The following GALNT5 variants were observed in gnomAD, a reference collection of about 807,000 sequenced individuals.
The protein encoded by GALNT5 is UDP-GalNAc:polypeptide N-acetylgalactosaminyltransferase 5.
In GALNT5, 72 loss-of-function variants were observed where a neutral mutation model predicts 85.4. The ratio of observed to expected loss-of-function variants is 0.84; its 90% CI spans 0.70 to 1.03. The LOEUF (loss-of-function observed/expected upper bound fraction) is 1.03. GALNT5 is among the 50% of genes least tolerant of loss of function. The pLI is 0.00. For synonymous variants in GALNT5, 404 were observed against 397.0 expected (o/e 1.02, Z -0.21); for missense variants, 1,137 against 1,135.5 (o/e 1.00, Z -0.02).
At chr2:157,269,173 A>C (rs1398141675) in intron 1 of GALNT5, among the ~76,000 whole-genome samples, 5 of 152,220 alleles carry the variant, frequency 3.3e-5, no homozygotes, top group Non-Finnish European at 7.3e-5. Context: ...AGACTAGAGT[A>C]AGAGTTTAAA....
Position 157,299,598 on chromosome 2 carries a change from T to C in GALNT5, c.2048T>C (p.Phe683Ser), listed in dbSNP as rs143720767. Residue 683 changes from phenylalanine (F) to serine (S), a missense_variant, in exon 6 of 10, where the codon TTT becomes TCT. Transcript: ENST00000259056. ...GLFSIDKSYF[F>S]ELGTYDPGLD... ...TTTTCTATTGACAAAAGTTACTTTTTTGAACTTGGAACATACGACCCTGGC... is the reference window on the plus strand; with the variant it reads ...TTTTCTATTGACAAAAGTTACTTTTCTGAACTTGGAACATACGACCCTGGC... 5 of 1,613,568 alleles carry C rather than the reference T, an allele frequency of 3.1e-6. No individual in the cohort carries two copies. The African/African-American group carries it at 6.7e-5, about 22-fold the overall frequency.
chr2:157,265,611 A>G (rs1682440664), intron 1 of GALNT5, among the ~76,000 whole-genome samples: 1 of 152,230 alleles, frequency 6.6e-6, no homozygotes, highest in Admixed American at 6.5e-5. Context: ...CAGTTTAACC[A>G]TCAGCATAAT....
rs1440216290 is a variant in GALNT5 at position 157,258,994 on chromosome 2, T to G, written c.912T>G (p.Asp304Glu). 6.7e-7 allele frequency: 1 copy of G among 1,500,644 alleles called. No individual in the cohort carries two copies. The highest frequency in any genetic ancestry group is 1.4e-5 in the African/African-American group (1 of 71,502). The allele number at this position is 1,500,644 out of a possible 1,614,324, so 93.0% of individuals were successfully genotyped here. A position where few individuals can be genotyped will look rare whatever the true frequency, so the allele number is the denominator to read the frequency against. ...CACCTTTGGGAAGTTTGTCAAAGGA[T>G]GATGGAGCTAGAGGGGCTCATGGGA... ...NETPLGSLSKDDGARGAHGKK... is the reference protein window; with the variant it reads ...NETPLGSLSKEDGARGAHGKK... The change falls in exon 1 of 10, where the codon GAT becomes GAG. Residue 304 changes from aspartate to glutamate, a missense_variant. Physicochemically the swap from Asp to Glu is conservative, Grantham distance 45. Coordinates refer to ENST00000259056, the MANE Select transcript of GALNT5 (RefSeq NM_014568.3).
Position 157,288,579 on chromosome 2 carries a change from G to T in GALNT5, c.1741+2445G>T, listed in dbSNP as rs141089468. 1.8e-3 allele frequency among the ~76,000 whole-genome samples: 280 copies of T among 152,136 alleles called. 4 individuals are homozygous for T. The highest frequency in any genetic ancestry group is 6.8e-3 in the Middle Eastern group (2 of 294). On this transcript the variant is annotated intron_variant, in intron 3 of 9. Coordinates refer to ENST00000259056, the MANE Select transcript of GALNT5 (RefSeq NM_014568.3). ...TTGACTCATGGGTGCTGACCATGGG[G>T]AGAGTCATAAAAGATTCATTTGGGG...
intron 1 of GALNT5, among the ~76,000 whole-genome samples, chr2:157,262,156 C>G (rs552123645): frequency 7.2e-6 from 1 of 137,976 alleles, no homozygotes; most frequent in African/African-American, 2.9e-5. Flanking sequence ...TGAATTCACA[C>G]ATAACTGTCA....
intron 3 of GALNT5, 32 bp downstream of exon 3, chr2:157,286,166 A>AT (rs762573079): frequency 2.5e-6 from 4 of 1,580,160 alleles, no homozygotes; most frequent in Non-Finnish European, 3.5e-6. Flanking sequence ...TGTTTGTTAC[A>AT]TTTTTATTTT....
chr2:157,269,256 C>A (rs548822190), intron 1 of GALNT5, among the ~76,000 whole-genome samples: 4 of 152,224 alleles, frequency 2.6e-5, no homozygotes, highest in African/African-American at 9.6e-5. Context: ...GCTAGATACC[C>A]GGAAACATGT....
rs2105139665 is a variant in GALNT5 at position 157,259,246 on chromosome 2, G to T, written c.1164G>T (p.Gly388=). ...AAACTAACCATGCTTTAACTGGAGG[G>T]CTAGAGCCAGCAAAAATCAACATAA... ...LSQTNHALTG[G]LEPAKINITA... Residue 388 remains glycine (G), a synonymous_variant, in exon 1 of 10, where the codon GGG becomes GGT. Transcript: ENST00000259056. 1 of 1,610,294 alleles carries T rather than the reference G, an allele frequency of 6.2e-7. No homozygotes were observed. The highest frequency in any genetic ancestry group is 2.2e-5 in the East Asian group (1 of 44,846).
chr2:157,258,813 C>G lies in GALNT5; in HGVS notation c.731C>G (p.Thr244Arg), dbSNP rs1312016649. ...VANERAHPAS[T>R]AVPKSGEAMA... is the part of the protein sequence containing the mutation. ...AACGAGAGGGCACACCCTGCCAGCACAGCAGTGCCGAAGTCTGGGGAAGCC... is the reference window on the plus strand; with the variant it reads ...AACGAGAGGGCACACCCTGCCAGCAGAGCAGTGCCGAAGTCTGGGGAAGCC... The change falls in exon 1 of 10, where the codon ACA (threonine) becomes AGA (arginine). Residue 244 changes from threonine (T) to arginine (R), a missense_variant. By Grantham distance (71) the Thr-to-Arg change is moderately conservative. Coordinates refer to ENST00000259056, the MANE Select transcript of GALNT5 (RefSeq NM_014568.3). The G allele has an allele frequency of 6.3e-7, 1 of 1,598,260 alleles. No homozygotes were observed. The highest frequency in any genetic ancestry group is 8.5e-7 in the Non-Finnish European group (1 of 1,169,726).
Position 157,300,914 on chromosome 2 carries a change from A to G in GALNT5, c.2354A>G (p.Lys785Arg). 1.9e-6 allele frequency: 3 copies of G among 1,614,164 alleles called. No homozygotes were observed. The highest frequency in any genetic ancestry group is 2.5e-6 in the Non-Finnish European group (3 of 1,179,976). The change falls in exon 7 of 10, where the codon AAG (lysine) becomes AGG (arginine). Residue 785 changes from lysine to arginine, a missense_variant. Lys to Arg is a conservative substitution (Grantham distance 26). Transcript: ENST00000259056. ...GNLTQQRELR[K>R]KLKCKSFKWY... ...CTCACCCAGCAAAGGGAGCTGCGAAAGAAACTGAAGTGCAAAAGTTTCAAA... is the reference window on the plus strand; with the variant it reads ...CTCACCCAGCAAAGGGAGCTGCGAAGGAAACTGAAGTGCAAAAGTTTCAAA...
chr2:157,293,749 T>G (rs1683151292), intron 3 of GALNT5, among the ~76,000 whole-genome samples: 1 of 151,894 alleles, frequency 6.6e-6, no homozygotes, highest in African/African-American at 2.4e-5. Flanking sequence ...TGCTAAATTC[T>G]ATTAATTGAG....
intron 8 of GALNT5, among the ~76,000 whole-genome samples, chr2:157,306,991 G>A (rs1425126862): frequency 7.2e-6 from 1 of 138,208 alleles, no homozygotes; most frequent in Non-Finnish European, 1.6e-5. Context: ...TTATATGAAA[G>A]GAAAGTATTA....
intron 3 of GALNT5, among the ~76,000 whole-genome samples, chr2:157,288,792 G>C (rs1012756179): frequency 6.6e-6 from 1 of 152,204 alleles, no homozygotes; most frequent in Non-Finnish European, 1.5e-5. Context: ...AGGAAGTAGG[G>C]AGGCCAGTTA....
At chr2:157,296,145 A>ATT (rs3217561) in intron 4 of GALNT5, among the ~76,000 whole-genome samples, 2 of 151,778 alleles carry the variant, frequency 1.3e-5, no homozygotes, top group South Asian at 2.1e-4. Context: ...TTGCTCTTGT[A>ATT]TTTTTTTTCT....
At chr2:157,285,760 GC>G (rs1386291194) in intron 2 of GALNT5, among the ~76,000 whole-genome samples, 3 of 152,126 alleles carry the variant, frequency 2.0e-5, no homozygotes, top group Non-Finnish European at 4.4e-5. Flanking sequence ...AGAAAGGTGT[GC>G]CCTCCACTAC....
chr2:157,280,544 C>T (rs566249287), intron 1 of GALNT5, among the ~76,000 whole-genome samples: 1 of 152,286 alleles, frequency 6.6e-6, no homozygotes, highest in East Asian at 1.9e-4. Context: ...GAATATGTTA[C>T]CAAGTTTGTG....
chr2:157,284,503 G>T, intron 2 of GALNT5, 55 bp downstream of exon 2: 2 of 1,407,822 alleles, frequency 1.4e-6, no homozygotes, highest in South Asian at 1.2e-5. Flanking sequence ...CAGAAGCAAA[G>T]TTTAGTAGCA....
Position 157,314,732 on chromosome 2 carries a change from A to T in GALNT5, c.*3384A>T, listed in dbSNP as rs184753131. Among the ~76,000 whole-genome samples the T allele has an allele frequency of 6.6e-6, 1 of 152,130 alleles. No homozygotes were observed. Among genetic ancestry groups the T allele is most frequent in the African/African-American group, 2.4e-5 (1 of 41,418 alleles). ...AGATTGAAACATGCCAGAGAGTACC[A>T]TCTTTCTTTGTTTTAACATCTCTGA... On this transcript the variant is annotated 3_prime_UTR_variant, in exon 10 of 10. Coordinates refer to ENST00000259056, the MANE Select transcript of GALNT5 (RefSeq NM_014568.3).
intron 7 of GALNT5, among the ~76,000 whole-genome samples, chr2:157,303,665 C>A (rs551335588): frequency 1.3e-5 from 2 of 152,076 alleles, no homozygotes; most frequent in Non-Finnish European, 2.9e-5. Context: ...TGTAAAAGTA[C>A]CTTCCATGGC....
Sources: allele counts gnomAD v4.1 joint callset (sites outside exome capture counted in the v4.1 genomes callset), GRCh38; gene constraint gnomAD v4.1.1; transcripts MANE v1.5; gene names NCBI Gene and HGNC (gene_info 2026-07-23, HGNC 2026-07-21).